Variants in SFRP2 observed in about 807,000 individuals in gnomAD.
The protein encoded by SFRP2 is secreted frizzled related protein 2.
A neutral mutation model predicts 26.0 loss-of-function variants in SFRP2; 16 were observed. The ratio of observed to expected loss-of-function variants is 0.61; its 90% CI spans 0.42 to 0.93. SFRP2 has a LOEUF of 0.93. SFRP2 is among the 40% of genes least tolerant of loss of function. SFRP2 has a pLI of 0.00. For synonymous variants in SFRP2, 173 were observed against 167.3 expected (o/e 1.03, Z -0.26); for missense variants, 343 against 392.4 (o/e 0.87, Z 1.06).
rs1055585722 is a variant in SFRP2 at position 153,781,887 on chromosome 4, A to C, written c.584-132T>G. The C allele has an allele frequency of 9.2e-5, 70 of 756,892 alleles. No individual in the cohort carries two copies. In the East Asian group the frequency reaches 1.7e-3, roughly 19 times the overall value. 46.9% of individuals were successfully genotyped at this position (756,892 alleles called of 1,614,324 possible). ...GCTTCCTAGAGCTAATGGGACCCTC[A>C]GAGGCTGCAGATCGGGGGTTGGGAG... On this transcript the variant is annotated intron_variant, in intron 2 of 2. Transcript: ENST00000274063.
At chr4:153,782,364 AG>A (rs1442805153) in intron 2 of SFRP2, among the ~76,000 whole-genome samples, 1 of 152,218 alleles carries the variant, frequency 6.6e-6, no homozygotes, top group African/African-American at 2.4e-5. Flanking sequence ...TAGTCATAAA[AG>A]TGTTTTTCTG....
intron 1 of SFRP2, among the ~76,000 whole-genome samples, chr4:153,786,837 GT>G (rs1473741138): frequency 6.7e-6 from 1 of 148,602 alleles, no homozygotes; most frequent in African/African-American, 2.5e-5. Context: ...TCTTCTAAGA[GT>G]TTGATTTCTT....
In SFRP2 at chr4:153,785,869, T is replaced by C. The variant is rs1274022002; in HGVS notation, c.578A>G (p.Asp193Gly). 1 of 1,586,102 alleles carries C rather than the reference T, an allele frequency of 6.3e-7. No individual in the cohort carries two copies. ...GTTGTTGTTGTATTACTTACCAAAA[T>C]CATTTTTACAAAGCGTTTCCATTAT... Reference protein sequence around the residue: ...NDIMETLCKNDFALKIKVKEI... With the variant: ...NDIMETLCKNGFALKIKVKEI... The change falls in exon 2 of 3, where the codon GAT (aspartate) becomes GGT (glycine). Residue 193 changes from aspartate (D) to glycine (G), a missense_variant. Coordinates refer to ENST00000274063, the MANE Select transcript of SFRP2 (RefSeq NM_003013.3).
In SFRP2 at chr4:153,788,523, CG is replaced by C. The variant is rs778291441; in HGVS notation, c.312del (p.Asp105MetfsTer3). 2 of 1,614,150 alleles carry C rather than the reference CG, an allele frequency of 1.2e-6. No individual in the cohort carries two copies. The highest frequency in any genetic ancestry group is 1.7e-6 in the Non-Finnish European group (2 of 1,180,034). On this transcript the variant is annotated frameshift_variant, in exon 1 of 3. Coordinates refer to ENST00000274063, the MANE Select transcript of SFRP2 (RefSeq NM_003013.3). LOFTEE classifies it high-confidence loss of function. ...FLCSLFAPVC[L>X]DDLDETIQPC... is the part of the protein sequence containing the mutation. The stretch of plus-strand genomic sequence containing the variant: ...GGCTGGATGGTCTCGTCTAGGTCAT[CG>C]AGGCAGACGGGGGCGAAGAGCGAGC...
intron 1 of SFRP2, among the ~76,000 whole-genome samples, chr4:153,787,544 A>G (rs1741230575): frequency 3.9e-5 from 6 of 152,122 alleles, no homozygotes; most frequent in Admixed American, 3.9e-4. Flanking sequence ...TGAGGTTTTC[A>G]TTGCTTTGAT....
Position 153,788,941 on chromosome 4 carries a change from C to G in SFRP2, c.-106G>C. 7.6e-7 allele frequency: 1 copy of G among 1,310,038 alleles called. No homozygotes were observed. Among genetic ancestry groups the G allele is most frequent in the Non-Finnish European group, 9.9e-7 (1 of 1,009,750 alleles). The allele number at this position is 1,310,038 out of a possible 1,614,324, so 81.2% of individuals were successfully genotyped here. A position where few individuals can be genotyped will look rare whatever the true frequency, so the allele number is the denominator to read the frequency against. On this transcript the variant is annotated 5_prime_UTR_variant, in exon 1 of 3. Coordinates refer to ENST00000274063, the MANE Select transcript of SFRP2 (RefSeq NM_003013.3). ...CCCGCTCTCTTCGCTGGGTGCGACT[C>G]GGGGCCCCGAAAAGCTGGCAGCCGG...
intron 2 of SFRP2, 78 bp from the exon 3 acceptor site, chr4:153,781,833 T>C: frequency 7.7e-7 from 1 of 1,290,944 alleles, no homozygotes; most frequent in Non-Finnish European, 1.1e-6. Context: ...TGCCAACTCG[T>C]GTGACTTGGC....
chr4:153,789,012 G>A lies in SFRP2; in HGVS notation c.-177C>T. ...GGGACACCGGGAGGACAGCGCGGGC[G>A]AGGCGCTGCAAGCCCGCGCGCAGCT... On this transcript the variant is annotated 5_prime_UTR_variant, in exon 1 of 3. Transcript: ENST00000274063. 1.4e-6 allele frequency: 1 copy of A among 706,150 alleles called. No homozygotes were observed. Among genetic ancestry groups the A allele is most frequent in the Non-Finnish European group, 2.2e-6 (1 of 461,626 alleles). The allele number at this position is 706,150 out of a possible 1,614,324, so 43.7% of individuals were successfully genotyped here.
At position 153,781,324 on chromosome 4, in the gene SFRP2, G is replaced by C. The variant is rs946687467; in HGVS notation, c.*127C>G. ...GGGATGCAAACGTGCAAAAGGCAGGGGGAAGCTGCCCAGGCTGAGACTGGA... is the reference window on the plus strand; with the variant it reads ...GGGATGCAAACGTGCAAAAGGCAGGCGGAAGCTGCCCAGGCTGAGACTGGA... On this transcript the variant is annotated 3_prime_UTR_variant, in exon 3 of 3. Coordinates refer to ENST00000274063, the MANE Select transcript of SFRP2 (RefSeq NM_003013.3). 3 of 825,964 alleles carry C rather than the reference G, an allele frequency of 3.6e-6. No individual in the cohort carries two copies. The African/African-American group carries it at 5.1e-5, about 14-fold the overall frequency. 51.2% of individuals were successfully genotyped at this position (825,964 alleles called of 1,614,324 possible).
At position 153,789,058 on chromosome 4, in the gene SFRP2, G is replaced by C. The variant is rs547571397; in HGVS notation, c.-223C>G. The C allele has an allele frequency of 3.9e-6, 2 of 512,050 alleles. No individual in the cohort carries two copies. The highest frequency in any genetic ancestry group is 6.7e-6 in the Non-Finnish European group (2 of 298,216). The allele number at this position is 512,050 out of a possible 1,614,324, so 31.7% of individuals were successfully genotyped here. A position where few individuals can be genotyped will look rare whatever the true frequency, so the allele number is the denominator to read the frequency against. On this transcript the variant is annotated 5_prime_UTR_variant, in exon 1 of 3. Transcript: ENST00000274063. ...CAGCTCCGGGGGGCTCCGACCCGGGGGAGCAGAATGAGCCGTTGCTGGGGC... is the reference window on the plus strand; with the variant it reads ...CAGCTCCGGGGGGCTCCGACCCGGGCGAGCAGAATGAGCCGTTGCTGGGGC...
At chr4:153,783,561 T>C (rs1262016381) in intron 2 of SFRP2, among the ~76,000 whole-genome samples, 1 of 152,142 alleles carries the variant, frequency 6.6e-6, no homozygotes, top group Non-Finnish European at 1.5e-5. Flanking sequence ...GGATGCAGGA[T>C]GTGATCGCAG....
chr4:153,786,741 T>C (rs1334157204), intron 1 of SFRP2, among the ~76,000 whole-genome samples: 1 of 151,902 alleles, frequency 6.6e-6, no homozygotes, highest in Non-Finnish European at 1.5e-5. Flanking sequence ...CTGAAGCTAA[T>C]CAAAGACGAA....
rs928317938 is a variant in SFRP2, at chr4:153,788,541, A to C, written c.295T>G (p.Phe99Val). The change falls in exon 1 of 3, where the codon TTC becomes GTC. Residue 99 changes from phenylalanine (F) to valine (V), a missense_variant. By Grantham distance (50) the Phe-to-Val change is conservative (BLOSUM62 -1). Around this residue, in one of 2 missense-constraint regions of SFRP2, gnomAD observed 251 missense variants for 253.3 expected, o/e 0.99. Coordinates refer to ENST00000274063, the MANE Select transcript of SFRP2 (RefSeq NM_003013.3). ...AGGTCATCGAGGCAGACGGGGGCGA[A>C]GAGCGAGCACAGGAACTTCTTGGTG... ...PDTKKFLCSLFAPVCLDDLDE... is the reference protein window; with the variant it reads ...PDTKKFLCSLVAPVCLDDLDE... 2.5e-6 allele frequency: 4 copies of C among 1,614,174 alleles called. No homozygotes were observed. Among genetic ancestry groups the C allele is most frequent in the Non-Finnish European group, 3.4e-6 (4 of 1,180,032 alleles).
chr4:153,788,470 C>T lies in SFRP2; in HGVS notation c.366G>A (p.Lys122=). The change falls in exon 1 of 3, where the codon AAG becomes AAA. Residue 122 remains lysine (K), a synonymous_variant. Coordinates refer to ENST00000274063, the MANE Select transcript of SFRP2 (RefSeq NM_003013.3). The part of the protein sequence containing the change: ...QPCHSLCVQV[K]DRCAPVMSAF... ...CGGACATGACCGGGGCGCAGCGGTC[C>T]TTCACCTGCACGCAGAGCGAGTGGC... 1.2e-6 allele frequency: 2 copies of T among 1,614,222 alleles called. No homozygotes were observed. Among genetic ancestry groups the T allele is most frequent in the Non-Finnish European group, 1.7e-6 (2 of 1,180,052 alleles).
intron 2 of SFRP2, 63 bp from the exon 3 acceptor site, chr4:153,781,818 C>G: frequency 7.1e-7 from 1 of 1,410,550 alleles, no homozygotes; most frequent in Non-Finnish European, 9.9e-7. Flanking sequence ...TACCTCCCCC[C>G]ATTCTGCCAA....
In SFRP2 at chr4:153,781,486, G is replaced by T; in HGVS notation, c.853C>A (p.Arg285Ser). 6.2e-7 allele frequency: 1 copy of T among 1,613,852 alleles called. No homozygotes were observed. Among genetic ancestry groups the T allele is most frequent in the Middle Eastern group, 1.7e-4 (1 of 6,058 alleles). The change falls in exon 3 of 3, where the codon CGC becomes AGC. Residue 285 changes from arginine (R) to serine (S), a missense_variant. Physicochemically the swap from Arg to Ser is moderately radical, Grantham distance 110. Coordinates refer to ENST00000274063, the MANE Select transcript of SFRP2 (RefSeq NM_003013.3). ...AGCTTGCGGATGCTGCGGGAGATGC[G>T]CTTGAACTCTCTCTGCCCCTTCTGC... ...RWQKGQREFK[R>S]ISRSIRKLQC
rs1164127078 is a variant in SFRP2, at chr4:153,788,899, T to C, written c.-64A>G. The C allele has an allele frequency of 2.0e-6, 3 of 1,472,226 alleles. No homozygotes were observed. Among genetic ancestry groups the C allele is most frequent in the Non-Finnish European group, 2.7e-6 (3 of 1,114,740 alleles). The allele number at this position is 1,472,226 out of a possible 1,614,324, so 91.2% of individuals were successfully genotyped here. On this transcript the variant is annotated 5_prime_UTR_variant, in exon 1 of 3. Coordinates refer to ENST00000274063, the MANE Select transcript of SFRP2 (RefSeq NM_003013.3). ...CCGGGGAAGGGCGAGGCGGCCGGAG[T>C]TCGAGCTTGTCCCGGGCCCGCTCTC...
intron 1 of SFRP2, among the ~76,000 whole-genome samples, chr4:153,786,422 C>T (rs540446496): frequency 6.6e-6 from 1 of 152,274 alleles, no homozygotes; most frequent in South Asian, 2.1e-4. Flanking sequence ...TTGTCTTTCT[C>T]AGCCACAGGA....
At chr4:153,781,817 C>T in intron 2 of SFRP2, 62 bp from the exon 3 acceptor site, 2 of 1,404,886 alleles carry the variant, frequency 1.4e-6, no homozygotes, top group South Asian at 1.3e-5. Flanking sequence ...ATACCTCCCC[C>T]CATTCTGCCA....
Sources: gnomAD v4.1 joint callset for allele counts (sites outside exome capture counted in the v4.1 genomes callset) on GRCh38, gnomAD v4.1.1 for gene constraint, gnomAD v4.1.1 regional missense constraint, MANE v1.5 for transcripts, NCBI Gene and HGNC (gene_info 2026-07-23, HGNC 2026-07-21) for gene names.